The following GPRIN3 variants were observed in gnomAD, a reference collection of about 807,000 sequenced individuals.
GPRIN3 encodes the protein GPRIN family member 3.
GPRIN3 carries 12 observed loss-of-function variants against 13.7 expected under a neutral mutation model. That is an observed-to-expected ratio of 0.87 (90% CI 0.56 to 1.42). The LOEUF (loss-of-function observed/expected upper bound fraction) is 1.42, where lower values mean the gene tolerates loss of function less well. Among genes scored for constraint, GPRIN3 ranks in the 40% most tolerant of loss-of-function variants. The pLI is 0.00. For missense variants in GPRIN3, 1,009 were observed against 958.7 expected (o/e 1.05, Z -0.69); for synonymous variants, 377 against 372.7 (o/e 1.01, Z -0.13).
intron 1 of GPRIN3, among the ~76,000 whole-genome samples, chr4:89,284,178 T>C (rs944185049): frequency 6.6e-6 from 1 of 152,160 alleles, no homozygotes; most frequent in Non-Finnish European, 1.5e-5. Flanking sequence ...CAGAATGCCC[T>C]GAAGGATGGG....
At chr4:89,281,962 CTTT>C (rs34213357) in intron 1 of GPRIN3, among the ~76,000 whole-genome samples, 18 of 136,542 alleles carry the variant, frequency 1.3e-4, no homozygotes, top group African/African-American at 1.8e-4. Flanking sequence ...ATGCAGTCAT[CTTT>C]TTTTTTTTTT....
chr4:89,296,674 T>A (rs1410133624), intron 1 of GPRIN3, among the ~76,000 whole-genome samples: 3 of 152,220 alleles, frequency 2.0e-5, no homozygotes, highest in Non-Finnish European at 4.4e-5. Context: ...TGTGCATATG[T>A]ATGTGTGTGG....
At chr4:89,281,858 T>C (rs1205677074) in intron 1 of GPRIN3, among the ~76,000 whole-genome samples, 1 of 152,210 alleles carries the variant, frequency 6.6e-6, no homozygotes, top group African/African-American at 2.4e-5. Context: ...AAGCCTTCCT[T>C]GCACTTTCCC....
chr4:89,270,238 G>A (rs1280505751), intron 1 of GPRIN3, among the ~76,000 whole-genome samples: 1 of 151,742 alleles, frequency 6.6e-6, no homozygotes, highest in East Asian at 1.9e-4. Flanking sequence ...GAATGAAGAT[G>A]GTAGATTAAT....
chr4:89,275,562 C>T (rs1724069340), intron 1 of GPRIN3, among the ~76,000 whole-genome samples: 1 of 152,136 alleles, frequency 6.6e-6, no homozygotes, highest in South Asian at 2.1e-4. Context: ...CCCTGACAGT[C>T]GGGTAAGATC....
At chr4:89,270,403 T>C (rs1163304919) in intron 1 of GPRIN3, among the ~76,000 whole-genome samples, 1 of 151,090 alleles carries the variant, frequency 6.6e-6, no homozygotes, top group Non-Finnish European at 1.5e-5. Flanking sequence ...GCCAGACAAA[T>C]GTATACCTCT....
chr4:89,295,687 T>C (rs1413255765), intron 1 of GPRIN3, among the ~76,000 whole-genome samples: 1 of 152,098 alleles, frequency 6.6e-6, no homozygotes, highest in East Asian at 1.9e-4. Flanking sequence ...AGAGCTAGAA[T>C]TGCTCTTAGG....
At chr4:89,300,223 A>G (rs138148927) in intron 1 of GPRIN3, among the ~76,000 whole-genome samples, 73 of 152,242 alleles carry the variant, frequency 4.8e-4, no homozygotes, top group African/African-American at 1.5e-3. Context: ...TTGGAGCTCA[A>G]TGGTACTTAG....
chr4:89,264,847 T>C (rs1723740116), intron 1 of GPRIN3, among the ~76,000 whole-genome samples: 1 of 152,136 alleles, frequency 6.6e-6, no homozygotes, highest in Non-Finnish European at 1.5e-5. Flanking sequence ...TACCAAAACA[T>C]TTACCCATTT....
intron 1 of GPRIN3, among the ~76,000 whole-genome samples, chr4:89,291,449 T>C (rs55920273): frequency 0.18 from 28,088 of 152,186 alleles, 2,806 homozygotes; most frequent in African/African-American, 0.22. Context: ...TCAGTCTGGC[T>C]TCTTTAATTA....
At chr4:89,304,273 C>T (rs1335020488) in intron 1 of GPRIN3, among the ~76,000 whole-genome samples, 2 of 152,132 alleles carry the variant, frequency 1.3e-5, no homozygotes, top group Non-Finnish European at 2.9e-5. Context: ...ATCTCTTGGT[C>T]GGCTCTTGGC....
In GPRIN3 at chr4:89,281,006, G is replaced by A. The variant is rs113734859; in HGVS notation, c.-124+26609C>T. 1.5e-3 allele frequency among the ~76,000 whole-genome samples: 223 copies of A among 152,168 alleles called. 1 individual carries two copies. The highest frequency in any genetic ancestry group is 2.4e-3 in the African/African-American group (100 of 41,498). On this transcript the variant is annotated intron_variant, in intron 1 of 1. Coordinates refer to ENST00000609438, the MANE Select transcript of GPRIN3 (RefSeq NM_198281.3). ...TATGGGAAGCGTGGTGCTGGCATCC[G>A]CTATGTTTCTGGAGAGGCCTCAGGA...
At chr4:89,263,935 A>G (rs190149724) in intron 1 of GPRIN3, among the ~76,000 whole-genome samples, 72 of 152,340 alleles carry the variant, frequency 4.7e-4, no homozygotes, top group African/African-American at 1.6e-3. Flanking sequence ...TGGGGATAAA[A>G]GAAAACATTT....
chr4:89,296,390 T>A (rs1426054305), intron 1 of GPRIN3, among the ~76,000 whole-genome samples: 1 of 152,222 alleles, frequency 6.6e-6, no homozygotes, highest in African/African-American at 2.4e-5. Flanking sequence ...CCGAGTACCA[T>A]TAATTCATTA....
At chr4:89,284,925 T>C (rs1724359412) in intron 1 of GPRIN3, among the ~76,000 whole-genome samples, 1 of 152,190 alleles carries the variant, frequency 6.6e-6, no homozygotes, top group Non-Finnish European at 1.5e-5. Flanking sequence ...GATATGCAAC[T>C]TCCCCAATTA....
rs1395215080 is a variant in GPRIN3 at position 89,242,824 on chromosome 4, G to T, written c.*4956C>A. On this transcript the variant is annotated 3_prime_UTR_variant, in exon 2 of 2. Coordinates refer to ENST00000609438, the MANE Select transcript of GPRIN3 (RefSeq NM_198281.3). ...TAAAAAAACTTGCAAATAACATCTT[G>T]TTGCACCATTCTGGCCACCACAAGT... 1 of 152,036 alleles carries T rather than the reference G, an allele frequency of 6.6e-6. No homozygotes were observed. Among genetic ancestry groups the T allele is most frequent in the African/African-American group, 2.4e-5 (1 of 41,382 alleles). 9.4% of individuals were successfully genotyped at this position (152,036 alleles called of 1,614,324 possible).
At chr4:89,299,073 G>T (rs1724819971) in intron 1 of GPRIN3, among the ~76,000 whole-genome samples, 1 of 151,990 alleles carries the variant, frequency 6.6e-6, no homozygotes, top group Non-Finnish European at 1.5e-5. Context: ...GTTTTAAATG[G>T]CACTTTCAGA....
intron 1 of GPRIN3, among the ~76,000 whole-genome samples, chr4:89,261,227 T>C (rs1723612807): frequency 6.6e-6 from 1 of 152,194 alleles, no homozygotes; most frequent in African/African-American, 2.4e-5. Flanking sequence ...AAAGGAGGAT[T>C]GTCCTATGCA....
chr4:89,288,291 C>A (rs1309862308), intron 1 of GPRIN3, among the ~76,000 whole-genome samples: 1 of 152,106 alleles, frequency 6.6e-6, no homozygotes, highest in Non-Finnish European at 1.5e-5. Context: ...CTTTCTAGAT[C>A]AAGAATAAAA....
Sources: allele counts gnomAD v4.1 joint callset (sites outside exome capture counted in the v4.1 genomes callset), GRCh38; gene constraint gnomAD v4.1.1; transcripts MANE v1.5; gene names NCBI Gene and HGNC (gene_info 2026-07-23, HGNC 2026-07-21).